ARHGEF3: variants seen among roughly 807,000 people sequenced by gnomAD.
ARHGEF3 encodes the protein Rho guanine nucleotide exchange factor 3.
Under a neutral mutation model 63.2 loss-of-function variants are expected in ARHGEF3, and 28 were observed. The ratio of observed to expected loss-of-function variants is 0.44; its 90% CI spans 0.33 to 0.61. ARHGEF3 has a LOEUF of 0.61. ARHGEF3 is among the 20% of genes least tolerant of loss of function. ARHGEF3 has a pLI of 0.03. For synonymous variants in ARHGEF3, 266 were observed against 254.2 expected, an observed-to-expected ratio of 1.05 and a Z score of -0.44; for missense variants, 533 against 659.3, an observed-to-expected ratio of 0.81 and a Z score of 2.10.
chr3:56,941,608 T>A (rs1219709434), intron 3 of ARHGEF3, among the ~76,000 whole-genome samples: 1 of 152,144 alleles, frequency 6.6e-6, no homozygotes, highest in Non-Finnish European at 1.5e-5. Context: ...GTGGAAGGAG[T>A]TCTTTTTTAA....
intron 3 of ARHGEF3, among the ~76,000 whole-genome samples, chr3:56,942,640 C>A (rs1699244493): frequency 6.6e-6 from 1 of 152,094 alleles, no homozygotes; most frequent in African/African-American, 2.4e-5. Context: ...CACTTTAAGT[C>A]AAAAGCTAGA....
rs537024801 is a variant in ARHGEF3, at chr3:56,930,050, C to T, written c.129+28773G>A. On this transcript the variant is annotated intron_variant, in intron 3 of 12. Transcript: ENST00000338458. ...TGAGTCTGGGTCAACTACCAGCCCC[C>T]CCCTCCCACCAGCTGTGGCTGGGAT... Among the ~76,000 whole-genome samples the T allele has an allele frequency of 2.9e-3, 447 of 152,310 alleles. 2 individuals are homozygous for T. The highest frequency in any genetic ancestry group is 0.01 in the African/African-American group (425 of 41,566).
At chr3:56,997,781 C>G (rs1033610268) in intron 2 of ARHGEF3, among the ~76,000 whole-genome samples, 1 of 152,154 alleles carries the variant, frequency 6.6e-6, no homozygotes, top group African/African-American at 2.4e-5. Flanking sequence ...CCTGTCATTC[C>G]CCTGTATTAT....
intron 2 of ARHGEF3, among the ~76,000 whole-genome samples, chr3:56,761,052 A>T (rs1432246829): frequency 6.6e-6 from 1 of 152,144 alleles, no homozygotes; most frequent in Non-Finnish European, 1.5e-5. Context: ...TGGGAGGATT[A>T]CCTGAGGCCA....
intron 4 of ARHGEF3, among the ~76,000 whole-genome samples, chr3:56,880,626 G>A (rs1186752047): frequency 6.6e-6 from 1 of 152,150 alleles, no homozygotes; most frequent in African/African-American, 2.4e-5. Flanking sequence ...TTCTTTATTT[G>A]CAAAGTGAGG....
rs145366718 is a variant in ARHGEF3, at chr3:56,733,810, C to T, written c.1042-1386G>A. 1.4e-4 allele frequency among the ~76,000 whole-genome samples: 22 copies of T among 151,846 alleles called. No homozygotes were observed. The East Asian group carries it at 4.3e-3, about 30-fold the overall frequency. Reference sequence around the variant, plus strand: ...ACCAGCCTGGCCAACATGGTGAAACCCCATCTCTACTAAAAATACAAAAAT... The same window carrying T: ...ACCAGCCTGGCCAACATGGTGAAACTCCATCTCTACTAAAAATACAAAAAT... On this transcript the variant is annotated intron_variant, in intron 8 of 9. Coordinates refer to ENST00000296315, the MANE Select transcript of ARHGEF3 (RefSeq NM_019555.3).
intron 3 of ARHGEF3, among the ~76,000 whole-genome samples, chr3:56,917,102 T>C (rs759226365): frequency 1.3e-5 from 2 of 152,148 alleles, no homozygotes; most frequent in African/African-American, 2.4e-5. Flanking sequence ...AACATCTTGC[T>C]CCAGTTCCTT....
intron 2 of ARHGEF3, among the ~76,000 whole-genome samples, chr3:56,962,476 A>G (rs1700322301): frequency 1.3e-5 from 2 of 152,236 alleles, no homozygotes; most frequent in Non-Finnish European, 2.9e-5. Context: ...CAGGCTGTGC[A>G]TGGTGTACAC....
chr3:57,011,473 G>A (rs1702697979), intron 2 of ARHGEF3, among the ~76,000 whole-genome samples: 1 of 152,150 alleles, frequency 6.6e-6, no homozygotes, highest in Non-Finnish European at 1.5e-5. Context: ...TTGTTACAAG[G>A]GAGTGGGGTG....
intron 2 of ARHGEF3, among the ~76,000 whole-genome samples, chr3:57,031,714 T>G (rs1246510994): frequency 6.6e-6 from 1 of 152,208 alleles, no homozygotes; most frequent in Non-Finnish European, 1.5e-5. Context: ...TAGTACCCGC[T>G]GAATCAGTAC....
chr3:56,810,472 G>A (rs1408926210), intron 4 of ARHGEF3, among the ~76,000 whole-genome samples: 1 of 152,130 alleles, frequency 6.6e-6, no homozygotes, highest in African/African-American at 2.4e-5. Flanking sequence ...GTTGCAGTGA[G>A]CTTGAGACTA....
At chr3:57,070,983 AAAAAGAAAG>A (rs796192174) in intron 1 of ARHGEF3, among the ~76,000 whole-genome samples, 11 of 149,430 alleles carry the variant, frequency 7.4e-5, no homozygotes, top group East Asian at 2.1e-4. Flanking sequence ...AAAAAAAAAA[AAAAAGAAAG>A]AAAGAAAGAA....
chr3:57,013,989 C>T (rs1039892078), intron 2 of ARHGEF3, among the ~76,000 whole-genome samples: 7 of 152,206 alleles, frequency 4.6e-5, no homozygotes, highest in Admixed American at 1.3e-4. Context: ...ATAAATCTTG[C>T]TGCTGCTCAC....
intron 1 of ARHGEF3, chr3:57,074,451 TG>T: frequency 1.6e-6 from 1 of 611,230 alleles, no homozygotes. Context: ...ATATCACAGA[TG>T]AAGAAATCAA....
At chr3:56,764,787 C>T (rs867835739) in intron 2 of ARHGEF3, among the ~76,000 whole-genome samples, 7 of 136,920 alleles carry the variant, frequency 5.1e-5, no homozygotes, top group Admixed American at 7.7e-5. Flanking sequence ...GACAGAGTTT[C>T]GCTTTGTTGC....
intron 1 of ARHGEF3, among the ~76,000 whole-genome samples, chr3:56,794,716 C>T (rs1399767728): frequency 6.6e-6 from 1 of 152,174 alleles, no homozygotes; most frequent in African/African-American, 2.4e-5. Context: ...ATCCTACACA[C>T]ATCCTCTTAC....
chr3:56,970,976 C>T (rs1044463297), intron 2 of ARHGEF3, among the ~76,000 whole-genome samples: 2 of 152,188 alleles, frequency 1.3e-5, no homozygotes, highest in Non-Finnish European at 2.9e-5. Flanking sequence ...AGTTAATATA[C>T]GTAAAGCTCT....
At position 56,795,655 on chromosome 3, in the gene ARHGEF3, C is replaced by CTCTTTTTTTTTTT. The variant is rs57400467; in HGVS notation, c.96+6047_96+6048insAAAAAAAAAAAGA. On this transcript the variant is annotated intron_variant, in intron 1 of 9. Transcript: ENST00000296315. ...TTAACTTGTGACACAGTCTCTCTCT[C>CTCTTTTTTTTTTT]TTTTTTTTTTTTGAAGATGGACTCT... 1.3e-3 allele frequency among the ~76,000 whole-genome samples: 171 copies of CTCTTTTTTTTTTT among 130,538 alleles called. 8 individuals carry two copies. The highest frequency in any genetic ancestry group is 1.6e-3 in the Admixed American group (21 of 12,860). The allele number at this position is 130,538 out of a possible 152,430, so 85.6% of individuals were successfully genotyped here.
At chr3:56,875,873 G>A (rs1445283170) in intron 4 of ARHGEF3, among the ~76,000 whole-genome samples, 1 of 152,194 alleles carries the variant, frequency 6.6e-6, no homozygotes, top group Non-Finnish European at 1.5e-5. Context: ...GCCTCTGAAG[G>A]TGAAATGGAA....
Sources: allele counts gnomAD v4.1 joint callset (sites outside exome capture counted in the v4.1 genomes callset), GRCh38; gene constraint gnomAD v4.1.1; transcripts MANE v1.5; gene names NCBI Gene and HGNC (gene_info 2026-07-23, HGNC 2026-07-21).